The following UNC5D variants were observed in gnomAD, a reference collection of about 807,000 sequenced individuals.
The protein encoded by UNC5D is unc-5 netrin receptor D, also known as netrin receptor UNC5D.
In UNC5D, 39 loss-of-function variants were observed where a neutral mutation model predicts 105.4. That is an observed-to-expected ratio of 0.37 (90% confidence interval 0.29 to 0.48). The LOEUF (loss-of-function observed/expected upper bound fraction) is 0.48, where lower values mean the gene tolerates loss of function less well. Among genes scored for constraint, UNC5D ranks in the 20% least tolerant of loss-of-function variants. The pLI, the probability that UNC5D is intolerant of heterozygous loss-of-function variation, is 0.98. For synonymous variants in UNC5D, 452 were observed against 450.4 expected (o/e 1.00, Z -0.04); for missense variants, 991 against 1,202.4 (o/e 0.82, Z 2.60).
intron 2 of UNC5D, among the ~76,000 whole-genome samples, chr8:35,562,486 C>G (rs1199641005): frequency 6.6e-6 from 1 of 152,102 alleles, no homozygotes; most frequent in African/African-American, 2.4e-5. Context: ...CACATTCTCT[C>G]TAGCACCTAT....
chr8:35,260,849 A>G (rs1339099129), intron 1 of UNC5D, among the ~76,000 whole-genome samples: 1 of 152,216 alleles, frequency 6.6e-6, no homozygotes, highest in Non-Finnish European at 1.5e-5. Context: ...CAGTGGTTGC[A>G]GCATTAATCT....
At chr8:35,494,288 C>G (rs1356362711) in intron 1 of UNC5D, among the ~76,000 whole-genome samples, 1 of 151,918 alleles carries the variant, frequency 6.6e-6, no homozygotes, top group Non-Finnish European at 1.5e-5. Flanking sequence ...GACTTTAATC[C>G]AAAATGTTTC....
At chr8:35,496,617 A>T (rs528948312) in intron 1 of UNC5D, among the ~76,000 whole-genome samples, 24 of 152,312 alleles carry the variant, frequency 1.6e-4, no homozygotes, top group African/African-American at 4.3e-4. Context: ...TGTAATTTTT[A>T]AAAACAGTTC....
chr8:35,349,305 A>C (rs1812039897), intron 1 of UNC5D, among the ~76,000 whole-genome samples: 1 of 152,006 alleles, frequency 6.6e-6, no homozygotes, highest in Non-Finnish European at 1.5e-5. Flanking sequence ...CTGTTCTATT[A>C]GCCTGCATAT....
chr8:35,357,511 G>A (rs1239388491), intron 1 of UNC5D, among the ~76,000 whole-genome samples: 15 of 152,132 alleles, frequency 9.9e-5, no homozygotes, highest in East Asian at 9.7e-4. Context: ...CTGACCCACC[G>A]AAGCAGGTTA....
At chr8:35,375,177 T>C (rs566443572) in intron 1 of UNC5D, among the ~76,000 whole-genome samples, 1 of 152,310 alleles carries the variant, frequency 6.6e-6, no homozygotes, top group African/African-American at 2.4e-5. Flanking sequence ...GTTCATTCCA[T>C]CTCTGTTGCG....
At chr8:35,763,160 A>T (rs75005828) in intron 14 of UNC5D, among the ~76,000 whole-genome samples, 1 of 151,910 alleles carries the variant, frequency 6.6e-6, no homozygotes, top group Non-Finnish European at 1.5e-5. Flanking sequence ...GTTGAATGCT[A>T]TTGGCAGCTG....
intron 4 of UNC5D, among the ~76,000 whole-genome samples, chr8:35,670,531 A>C (rs899176234): frequency 6.6e-6 from 1 of 152,146 alleles, no homozygotes; most frequent in Admixed American, 6.6e-5. Flanking sequence ...TGCAGCCATA[A>C]AAAGAAATGA....
Position 35,428,346 on chromosome 8 carries a change from ATTT to A in UNC5D, c.104-120925_104-120923del, listed in dbSNP as rs35131097. ...CAGGTACATGCCACCATGCCTGGCT[ATTT>A]TTTTTTTTTTTTTTTTTTTTGAGAC... is the stretch of plus-strand genomic sequence containing the variant. On this transcript the variant is annotated intron_variant, in intron 1 of 16. Coordinates refer to ENST00000404895, the MANE Select transcript of UNC5D (RefSeq NM_080872.4). Among the ~76,000 whole-genome samples the A allele has an allele frequency of 3.5e-3, 326 of 92,774 alleles. 1 individual carries two copies. Among genetic ancestry groups the A allele is most frequent in the African/African-American group, 0.014 (315 of 22,448 alleles). The allele number at this position is 92,774 out of a possible 152,430, so 60.9% of individuals were successfully genotyped here. A position where few individuals can be genotyped will look rare whatever the true frequency, so the allele number is the denominator to read the frequency against.
intron 1 of UNC5D, among the ~76,000 whole-genome samples, chr8:35,359,864 A>C (rs1299120568): frequency 6.6e-6 from 1 of 152,174 alleles, no homozygotes; most frequent in Non-Finnish European, 1.5e-5. Context: ...TTTGCTTACT[A>C]TCTAGATTTT....
rs1254062703 is a variant in UNC5D, at chr8:35,471,966, T to TCA, written c.104-77326_104-77325insCA. On this transcript the variant is annotated intron_variant, in intron 1 of 16. Coordinates refer to ENST00000404895, the MANE Select transcript of UNC5D (RefSeq NM_080872.4). The stretch of plus-strand genomic sequence containing the variant: ...TAAGCAGATATCTCAGTGTTTTCTT[T>TCA]GTGAATCAGTACTAGACAGGTAAAA... Among the ~76,000 whole-genome samples the TCA allele has an allele frequency of 3.5e-3, 540 of 152,334 alleles. 4 individuals are homozygous for TCA. The highest frequency in any genetic ancestry group is 0.012 in the African/African-American group (515 of 41,576).
chr8:35,774,393 G>C lies in UNC5D; in HGVS notation c.2573G>C (p.Arg858Thr). The C allele has an allele frequency of 1.2e-6, 2 of 1,614,104 alleles. No homozygotes were observed. Among genetic ancestry groups the C allele is most frequent in the Non-Finnish European group, 1.7e-6 (2 of 1,180,014 alleles). The change falls in exon 16 of 17, where the codon AGA becomes ACA. Residue 858 changes from arginine to threonine, a missense_variant. Arg to Thr is a moderately conservative substitution (Grantham distance 71, BLOSUM62 -1). This residue lies in a region of UNC5D where 944 missense variants were observed against 1,131.6 expected (regional missense o/e 0.83). Transcript: ENST00000404895. ...GCCTTCAAAATTCCCTACTCCATCA[G>C]ACAGCGGATTTGTGCTACATTTGAT... ...PKAFKIPYSI[R>T]QRICATFDTP...
chr8:35,389,504 T>C (rs972124855), intron 1 of UNC5D, among the ~76,000 whole-genome samples: 3 of 152,136 alleles, frequency 2.0e-5, no homozygotes, highest in Non-Finnish European at 2.9e-5. Context: ...ATGACTGTAA[T>C]GATGAAAATC....
At chr8:35,411,704 T>A (rs368327060) in intron 1 of UNC5D, among the ~76,000 whole-genome samples, 3 of 152,212 alleles carry the variant, frequency 2.0e-5, no homozygotes, top group East Asian at 3.9e-4. Flanking sequence ...ATCTTATAAA[T>A]AGCACTGACA....
At chr8:35,389,701 C>A (rs1261854037) in intron 1 of UNC5D, among the ~76,000 whole-genome samples, 1 of 149,858 alleles carries the variant, frequency 6.7e-6, no homozygotes, top group Non-Finnish European at 1.5e-5. Context: ...AGTTTACCTC[C>A]TTAATGGAAT....
At chr8:35,459,406 T>G (rs929196923) in intron 1 of UNC5D, among the ~76,000 whole-genome samples, 2 of 152,162 alleles carry the variant, frequency 1.3e-5, no homozygotes, top group African/African-American at 2.4e-5. Context: ...CCATTTTTCT[T>G]TCATGGTGAA....
chr8:35,331,056 GT>G (rs906281923), intron 1 of UNC5D, among the ~76,000 whole-genome samples: 1 of 151,708 alleles, frequency 6.6e-6, no homozygotes, highest in Admixed American at 6.6e-5. Context: ...GTCTTGATTT[GT>G]TTTTTTTGGA....
chr8:35,283,712 G>A (rs1174415133), intron 1 of UNC5D, among the ~76,000 whole-genome samples: 3 of 152,014 alleles, frequency 2.0e-5, no homozygotes, highest in Non-Finnish European at 4.4e-5. Context: ...GCTGAGGCAG[G>A]AGAATCTCTT....
intron 10 of UNC5D, chr8:35,727,396 G>A (rs935912700): frequency 6.6e-6 from 1 of 152,144 alleles, no homozygotes; most frequent in African/African-American, 2.4e-5. Context: ...TTGAGTCAGG[G>A]ACATTATAGT....
Sources: gnomAD v4.1 joint callset for allele counts (sites outside exome capture counted in the v4.1 genomes callset) on GRCh38, gnomAD v4.1.1 for gene constraint, gnomAD v4.1.1 regional missense constraint, MANE v1.5 for transcripts, NCBI Gene and HGNC (gene_info 2026-07-23, HGNC 2026-07-21) for gene names.